ITGA8: variants seen among roughly 807,000 people sequenced by gnomAD.
ITGA8 encodes integrin alpha-8.
Under a neutral mutation model 142.3 loss-of-function variants are expected in ITGA8, and 91 were observed. The ratio of observed to expected loss-of-function variants is 0.64; its 90% CI spans 0.54 to 0.76. The LOEUF (loss-of-function observed/expected upper bound fraction) is 0.76. Ranked by LOEUF, ITGA8 falls within the 30% of genes least tolerant of loss-of-function variation. The pLI is 0.00. For synonymous variants in ITGA8, 505 were observed against 485.2 expected (o/e 1.04, Z -0.54); for missense variants, 1,406 against 1,327.7 (o/e 1.06, Z -0.92).
intron 15 of ITGA8, among the ~76,000 whole-genome samples, chr10:15,612,074 G>T (rs1030764149): frequency 6.6e-6 from 1 of 152,110 alleles, no homozygotes; most frequent in Non-Finnish European, 1.5e-5. Flanking sequence ...AAGGATAAAC[G>T]CTGGCTCTCT....
chr10:15,583,988 T>C (rs1427082816), intron 23 of ITGA8, among the ~76,000 whole-genome samples: 1 of 152,218 alleles, frequency 6.6e-6, no homozygotes, highest in Non-Finnish European at 1.5e-5. Context: ...AAAAGTCAAC[T>C]CTTTTAGTAG....
At chr10:15,574,449 G>A (rs988108262) in intron 24 of ITGA8, among the ~76,000 whole-genome samples, 2 of 152,254 alleles carry the variant, frequency 1.3e-5, no homozygotes, top group African/African-American at 4.8e-5. Context: ...GGAGTGCGGT[G>A]GCACGATCTC....
chr10:15,517,028 TTCCAG>T lies in ITGA8; in HGVS notation c.*125_*129del. 3.9e-6 allele frequency: 2 copies of T among 512,960 alleles called. No individual in the cohort carries two copies. Among genetic ancestry groups the T allele is most frequent in the Non-Finnish European group, 3.2e-6 (1 of 308,788 alleles). The allele number at this position is 512,960 out of a possible 1,614,324, so 31.8% of individuals were successfully genotyped here. On this transcript the variant is annotated 3_prime_UTR_variant, in exon 30 of 30. Coordinates refer to ENST00000378076, the MANE Select transcript of ITGA8 (RefSeq NM_003638.3). ...AAGTGCGGTGTAGATGAGGTGATGT[TTCCAG>T]GGTCCCCTCCATTTCCTGGGTCACT...
At chr10:15,630,638 CAG>C (rs1178398524) in intron 13 of ITGA8, among the ~76,000 whole-genome samples, 1 of 151,902 alleles carries the variant, frequency 6.6e-6, no homozygotes, top group African/African-American at 2.4e-5. Context: ...GGCCAGGGCA[CAG>C]AGAGACTCTG....
intron 15 of ITGA8, among the ~76,000 whole-genome samples, chr10:15,613,450 A>G (rs905385016): frequency 1.3e-5 from 2 of 152,232 alleles, no homozygotes; most frequent in African/African-American, 4.8e-5. Flanking sequence ...AAAGATCAGC[A>G]TCATATCATA....
chr10:15,608,315 T>G (rs200633776), intron 15 of ITGA8, 25 bp from the exon 16 acceptor site: 1 of 1,504,680 alleles, frequency 6.6e-7, no homozygotes, highest in Non-Finnish European at 9.1e-7. Context: ...AGTAATTTAT[T>G]GGTTAATAAA....
At chr10:15,652,665 A>T (rs549612523) in intron 11 of ITGA8, among the ~76,000 whole-genome samples, 1 of 152,244 alleles carries the variant, frequency 6.6e-6, no homozygotes, top group African/African-American at 2.4e-5. Context: ...TTTACAACTT[A>T]GATAACTGAA....
chr10:15,626,838 C>G (rs901840797), intron 13 of ITGA8, among the ~76,000 whole-genome samples: 2 of 152,106 alleles, frequency 1.3e-5, no homozygotes, highest in African/African-American at 4.8e-5. Flanking sequence ...GGAAACCAAC[C>G]CTGCTGACGC....
chr10:15,561,235 G>GTATATATATATATATATATATGTA (rs796194795), intron 25 of ITGA8, among the ~76,000 whole-genome samples: 7 of 101,576 alleles, frequency 6.9e-5, no homozygotes, highest in Non-Finnish European at 1.6e-4. Context: ...ATATATATAT[G>GTATATATATATATATATATATGTA]TATATATATA....
chr10:15,675,238 A>G (rs952985861), intron 6 of ITGA8, among the ~76,000 whole-genome samples: 5 of 152,068 alleles, frequency 3.3e-5, no homozygotes, highest in African/African-American at 1.2e-4. Flanking sequence ...TATCTCAAAT[A>G]TTTTCATACA....
chr10:15,593,418 C>G (rs925094774), intron 21 of ITGA8, among the ~76,000 whole-genome samples: 2 of 152,180 alleles, frequency 1.3e-5, no homozygotes, highest in African/African-American at 4.8e-5. Flanking sequence ...TTGTTGCTGA[C>G]ATTATACAAT....
At chr10:15,675,539 C>G (rs1834611725) in intron 6 of ITGA8, among the ~76,000 whole-genome samples, 1 of 152,216 alleles carries the variant, frequency 6.6e-6, no homozygotes, top group Non-Finnish European at 1.5e-5. Context: ...AACTTGTTTA[C>G]CTTATAAACT....
chr10:15,646,378 C>T (rs576392136), intron 12 of ITGA8, among the ~76,000 whole-genome samples: 13 of 152,230 alleles, frequency 8.5e-5, no homozygotes, highest in African/African-American at 3.1e-4. Context: ...CTGTGGCCTT[C>T]CAATGTCTCT....
chr10:15,649,081 A>G (rs1834039038), intron 11 of ITGA8, among the ~76,000 whole-genome samples: 1 of 152,114 alleles, frequency 6.6e-6, no homozygotes, highest in South Asian at 2.1e-4. Flanking sequence ...TGGGCTCTCC[A>G]GGTGTAGGTG....
At chr10:15,637,753 A>G (rs976300071) in intron 13 of ITGA8, among the ~76,000 whole-genome samples, 4 of 152,010 alleles carry the variant, frequency 2.6e-5, no homozygotes, top group South Asian at 2.1e-4. Context: ...CTGGCCTGCC[A>G]AAGTATTGGG....
intron 2 of ITGA8, among the ~76,000 whole-genome samples, chr10:15,708,154 C>A (rs989314196): frequency 6.6e-6 from 1 of 152,074 alleles, no homozygotes; most frequent in African/African-American, 2.4e-5. Flanking sequence ...AATAGTAGCC[C>A]CTGAAATTTA....
At position 15,536,142 on chromosome 10, in the gene ITGA8, C is replaced by T. The variant is rs938042225; in HGVS notation, c.2881-4991G>A. ...TAACACTCATCGCGAGGGTCTGCGG[C>T]TTCGTTCTTGAAGTCGGTGAGACCA... is the stretch of plus-strand genomic sequence containing the variant. On this transcript the variant is annotated intron_variant, in intron 27 of 29. Coordinates refer to ENST00000378076, the MANE Select transcript of ITGA8 (RefSeq NM_003638.3). Among the ~76,000 whole-genome samples the T allele has an allele frequency of 4.5e-4, 68 of 152,166 alleles. 1 individual carries two copies. Among genetic ancestry groups the T allele is most frequent in the Admixed American group, 3.3e-3 (51 of 15,276 alleles).
At chr10:15,527,484 T>A (rs1454875093) in intron 28 of ITGA8, among the ~76,000 whole-genome samples, 1 of 152,240 alleles carries the variant, frequency 6.6e-6, no homozygotes, top group Non-Finnish European at 1.5e-5. Context: ...AAAAAAGTGT[T>A]CAAATAATTG....
intron 25 of ITGA8, among the ~76,000 whole-genome samples, chr10:15,562,193 A>T (rs1172174812): frequency 6.6e-6 from 1 of 152,176 alleles, no homozygotes; most frequent in African/African-American, 2.4e-5. Flanking sequence ...GGGGAAATGG[A>T]TCATTCCTAA....
Sources: allele counts gnomAD v4.1 joint callset (sites outside exome capture counted in the v4.1 genomes callset), GRCh38; gene constraint gnomAD v4.1.1; transcripts MANE v1.5; gene names NCBI Gene and HGNC (gene_info 2026-07-23, HGNC 2026-07-21).